The following GLG1 variants were observed in gnomAD, a reference collection of about 807,000 sequenced individuals.
The protein encoded by GLG1 is golgi glycoprotein 1.
GLG1 carries 38 observed loss-of-function variants against 160.5 expected under a neutral mutation model. That is an observed-to-expected ratio of 0.24 (90% CI 0.18 to 0.31). The LOEUF (loss-of-function observed/expected upper bound fraction) is 0.31, where lower values mean the gene tolerates loss of function less well. Ranked by LOEUF, GLG1 falls within the 10% of genes least tolerant of loss-of-function variation. GLG1 has a pLI of 1.00. For synonymous variants in GLG1, 644 were observed against 543.4 expected, an observed-to-expected ratio of 1.19 and a Z score of -2.57; for missense variants, 1,373 against 1,505.2, an observed-to-expected ratio of 0.91 and a Z score of 1.45.
At chr16:74,527,581 T>C (rs912086139) in intron 2 of GLG1, among the ~76,000 whole-genome samples, 7 of 152,150 alleles carry the variant, frequency 4.6e-5, no homozygotes, top group South Asian at 2.1e-4. Flanking sequence ...GAAAGAATAA[T>C]AGTCATACGT....
At chr16:74,453,628 C>A (rs971949002) in intron 25 of GLG1, among the ~76,000 whole-genome samples, 4 of 152,120 alleles carry the variant, frequency 2.6e-5, no homozygotes, top group African/African-American at 9.7e-5. Flanking sequence ...TGTGTCGGGC[C>A]CTGGACGAAG....
At chr16:74,565,371 G>A (rs1245230484) in intron 1 of GLG1, among the ~76,000 whole-genome samples, 1 of 152,170 alleles carries the variant, frequency 6.6e-6, no homozygotes, top group Non-Finnish European at 1.5e-5. Flanking sequence ...GTTGACCAAA[G>A]AGGGGAATTG....
chr16:74,461,225 C>T lies in GLG1; in HGVS notation c.3036+869G>A, dbSNP rs993120785. On this transcript the variant is annotated intron_variant, in intron 22 of 25. Coordinates refer to ENST00000422840, the MANE Select transcript of GLG1 (RefSeq NM_001145667.2). ...CTCTGTCGCCCAGGCTGGAGTGCAG[C>T]GGTGCAATCTCGGCTCACTGCAAGC... is the stretch of plus-strand genomic sequence containing the variant. Among the ~76,000 whole-genome samples, 10 of 145,158 alleles carry T rather than the reference C, an allele frequency of 6.9e-5. No homozygotes were observed. The East Asian group carries it at 1.6e-3, about 24-fold the overall frequency.
At chr16:74,530,878 G>A (rs553267098) in intron 2 of GLG1, among the ~76,000 whole-genome samples, 2 of 152,160 alleles carry the variant, frequency 1.3e-5, no homozygotes, top group East Asian at 3.9e-4. Flanking sequence ...GATTCTGAGG[G>A]AGAATAAACT....
intron 2 of GLG1, among the ~76,000 whole-genome samples, chr16:74,527,578 T>A (rs2017381098): frequency 6.6e-6 from 1 of 152,056 alleles, no homozygotes; most frequent in African/African-American, 2.4e-5. Context: ...CATGAAAGAA[T>A]AATAGTCATA....
intron 4 of GLG1, among the ~76,000 whole-genome samples, chr16:74,499,976 C>T (rs1435704173): frequency 6.6e-6 from 1 of 152,132 alleles, no homozygotes; most frequent in African/African-American, 2.4e-5. Context: ...GCACTCCAGC[C>T]TGGGCGACAG....
chr16:74,606,881 GCTGCGATGA>G lies in GLG1; in HGVS notation c.205_213del (p.Ser69_Gln71del), dbSNP rs1315716547. The G allele has an allele frequency of 6.2e-7, 1 of 1,602,454 alleles. No individual in the cohort carries two copies. Among genetic ancestry groups the G allele is most frequent in the Non-Finnish European group, 8.5e-7 (1 of 1,175,906 alleles). On this transcript the variant is annotated inframe_deletion, in exon 1 of 26. Coordinates refer to ENST00000422840, the MANE Select transcript of GLG1 (RefSeq NM_001145667.2). ...TGCTGCTGCTGCTGTTGCTGCTGAA[GCTGCGATGA>G]CTGAGGCAGCTGGGGCAGCTGCTGA... is the stretch of plus-strand genomic sequence containing the variant.
chr16:74,574,800 C>CT (rs1306452590), intron 1 of GLG1, among the ~76,000 whole-genome samples: 4 of 136,272 alleles, frequency 2.9e-5, no homozygotes, highest in Non-Finnish European at 6.1e-5. Context: ...ACAAGAATCT[C>CT]TTGAACTCGG....
intron 6 of GLG1, among the ~76,000 whole-genome samples, 199 bp from the exon 7 acceptor site, chr16:74,493,339 G>A (rs1272623861): frequency 6.6e-6 from 1 of 152,216 alleles, no homozygotes; most frequent in Non-Finnish European, 1.5e-5. Context: ...GTAAGTGGGT[G>A]GGGAACCTAG....
chr16:74,473,953 A>AT (rs942455095), intron 13 of GLG1, among the ~76,000 whole-genome samples: 12 of 150,444 alleles, frequency 8.0e-5, no homozygotes, highest in African/African-American at 2.7e-4. Flanking sequence ...TACTGCTGCT[A>AT]TTTTTTTTTT....
intron 1 of GLG1, among the ~76,000 whole-genome samples, chr16:74,578,190 A>G (rs902025582): frequency 6.6e-5 from 10 of 152,150 alleles, no homozygotes; most frequent in Non-Finnish European, 1.3e-4. Context: ...TGAGTATGTG[A>G]TGACTCATGA....
intron 24 of GLG1, 133 bp downstream of exon 24, chr16:74,457,741 G>A (rs1567454042): frequency 4.1e-6 from 3 of 729,424 alleles, no homozygotes; most frequent in Admixed American, 2.5e-5. Context: ...CAGGTCCCCA[G>A]GGAATGTTGT....
chr16:74,486,924 TC>T (rs36122087), intron 8 of GLG1, among the ~76,000 whole-genome samples: 2 of 149,692 alleles, frequency 1.3e-5, no homozygotes, highest in Admixed American at 6.7e-5. Context: ...CTTTTTTTTT[TC>T]CCCCCCGAGA....
chr16:74,588,291 A>T (rs899172782), intron 1 of GLG1, among the ~76,000 whole-genome samples: 1 of 152,094 alleles, frequency 6.6e-6, no homozygotes, highest in Admixed American at 6.6e-5. Flanking sequence ...TAAAAATATA[A>T]AAAAAATAGC....
intron 16 of GLG1, 49 bp from the exon 17 acceptor site, chr16:74,469,112 T>C (rs941552030): frequency 1.6e-6 from 2 of 1,245,106 alleles, no homozygotes; most frequent in African/African-American, 1.5e-5. Context: ...CAAGGGCAGA[T>C]GGCCTGAGAG....
chr16:74,586,009 G>A (rs1231066573), intron 1 of GLG1, among the ~76,000 whole-genome samples: 8 of 147,000 alleles, frequency 5.4e-5, no homozygotes, highest in Non-Finnish European at 9.0e-5. Context: ...GCTGTAGTGA[G>A]CCGAGATCAC....
At chr16:74,469,645 C>T (rs80273451) in intron 16 of GLG1, 4,356 of 265,462 alleles carry the variant, frequency 0.016, 137 homozygotes, top group African/African-American at 0.076. Context: ...GATGACATAA[C>T]GGGACGACGC....
At chr16:74,509,157 A>T (rs2016717448) in intron 2 of GLG1, among the ~76,000 whole-genome samples, 1 of 146,984 alleles carries the variant, frequency 6.8e-6, no homozygotes, top group Non-Finnish European at 1.5e-5. Context: ...TTTTTACTAA[A>T]GGACAATTTT....
Position 74,450,641 on chromosome 16 carries a change from G to A in GLG1, c.*2526C>T, listed in dbSNP as rs908999709. The A allele has an allele frequency of 8.5e-5, 13 of 152,064 alleles. No homozygotes were observed. The highest frequency in any genetic ancestry group is 3.1e-4 in the African/African-American group (13 of 41,394). The allele number at this position is 152,064 out of a possible 1,614,324, so 9.4% of individuals were successfully genotyped here. A position where few individuals can be genotyped will look rare whatever the true frequency, so the allele number is the denominator to read the frequency against. On this transcript the variant is annotated 3_prime_UTR_variant, in exon 26 of 26. Coordinates refer to ENST00000422840, the MANE Select transcript of GLG1 (RefSeq NM_001145667.2). ...TGAGGCGGGTGGATCATGAGATCAG[G>A]AGTTCAAGACCAGCCTGGCCAAGAT...
Sources: allele counts gnomAD v4.1 joint callset (sites outside exome capture counted in the v4.1 genomes callset), GRCh38; gene constraint gnomAD v4.1.1; transcripts MANE v1.5; gene names NCBI Gene and HGNC (gene_info 2026-07-23, HGNC 2026-07-21).